Variants in SP1 observed in about 807,000 individuals in gnomAD.
SP1 encodes the protein transcription factor Sp1.
Under a neutral mutation model 66.3 loss-of-function variants are expected in SP1, and 6 were observed. The ratio of observed to expected loss-of-function variants is 0.09; its 90% CI spans 0.05 to 0.18. The LOEUF (loss-of-function observed/expected upper bound fraction) is 0.18, where lower values mean the gene tolerates loss of function less well. Among genes scored for constraint, SP1 ranks in the 10% least tolerant of loss-of-function variants. The probability of loss-of-function intolerance (pLI) is 1.00; values close to 1 mark genes in which losing one functional copy is unlikely to be tolerated. For missense variants in SP1, 848 were observed against 964.5 expected (o/e 0.88, Z 1.60); for synonymous variants, 417 against 360.8 (o/e 1.16, Z -1.77).
At chr12:53,408,785 A>T (rs1938812376) in intron 4 of SP1, among the ~76,000 whole-genome samples, 1 of 152,052 alleles carries the variant, frequency 6.6e-6, no homozygotes, top group Non-Finnish European at 1.5e-5. Flanking sequence ...GGGCACCCAT[A>T]GTCCCAGCTA....
intron 3 of SP1, among the ~76,000 whole-genome samples, chr12:53,385,519 A>G (rs1040823151): frequency 1.4e-5 from 2 of 147,382 alleles, no homozygotes; most frequent in African/African-American, 5.0e-5. Flanking sequence ...CACTTGAACC[A>G]GGGAGGCGGA....
intron 3 of SP1, among the ~76,000 whole-genome samples, chr12:53,393,648 A>G (rs1221427300): frequency 2.1e-5 from 3 of 142,282 alleles, no homozygotes; most frequent in Admixed American, 7.2e-5. Flanking sequence ...CCCAGGCTGG[A>G]GTGCAATGGT....
intron 3 of SP1, among the ~76,000 whole-genome samples, chr12:53,389,698 A>G (rs1431115359): frequency 3.3e-5 from 5 of 150,430 alleles, no homozygotes; most frequent in Non-Finnish European, 7.4e-5. Flanking sequence ...TCTTTATTTT[A>G]TTTTATTTTA....
rs1251280995 is a variant in SP1 at position 53,381,767 on chromosome 12, G to A, written c.116G>A (p.Arg39Gln). 29 of 1,614,010 alleles carry A rather than the reference G, an allele frequency of 1.8e-5. No individual in the cohort carries two copies. The highest frequency in any genetic ancestry group is 2.2e-5 in the Non-Finnish European group (26 of 1,180,016). ...GNGGGAFSQA[R>Q]SSSTGSSSST... ...GGTGGTGGTGCCTTTTCACAGGCTCGAAGTAGCAGCACAGGCAGTAGCAGC... is the reference window on the plus strand; with the variant it reads ...GGTGGTGGTGCCTTTTCACAGGCTCAAAGTAGCAGCACAGGCAGTAGCAGC... Residue 39 changes from arginine to glutamine, a missense_variant, in exon 2 of 6, where the codon CGA becomes CAA. Transcript: ENST00000327443.
At chr12:53,404,262 G>C (rs777555851) in intron 3 of SP1, among the ~76,000 whole-genome samples, 1 of 151,358 alleles carries the variant, frequency 6.6e-6, no homozygotes, top group Non-Finnish European at 1.5e-5. Context: ...AGCCGGGTGC[G>C]GTGACTCACG....
chr12:53,391,882 A>C (rs964300108), intron 3 of SP1, among the ~76,000 whole-genome samples: 11 of 151,890 alleles, frequency 7.2e-5, no homozygotes, highest in African/African-American at 2.7e-4. Flanking sequence ...TTATTCACTT[A>C]CGATAATGGC....
In SP1 at chr12:53,412,513, C is replaced by T. The variant is rs1036495320; in HGVS notation, c.*1273C>T. On this transcript the variant is annotated 3_prime_UTR_variant, in exon 6 of 6. Transcript: ENST00000327443. ...TCCATTGTCAATAAGGAGCATCAGC[C>T]AGTGAATCTGTTTCAGGTTTCCATT... 4.6e-5 allele frequency: 7 copies of T among 152,574 alleles called. No individual in the cohort carries two copies. The highest frequency in any genetic ancestry group is 1.0e-4 in the Non-Finnish European group (7 of 68,042). 9.5% of individuals were successfully genotyped at this position (152,574 alleles called of 1,614,324 possible).
At chr12:53,385,998 C>G (rs1000363742) in intron 3 of SP1, among the ~76,000 whole-genome samples, 1 of 152,084 alleles carries the variant, frequency 6.6e-6, no homozygotes, top group African/African-American at 2.4e-5. Flanking sequence ...AACTGTAACT[C>G]CTAATTGAAG....
At chr12:53,406,111 A>G (rs784882) in intron 3 of SP1, among the ~76,000 whole-genome samples, 41,678 of 127,628 alleles carry the variant, frequency 0.33, 9,528 homozygotes, top group African/African-American at 0.67. Flanking sequence ...TTGCTCTGTC[A>G]CCCAGGCTGG....
Position 53,411,003 on chromosome 12 carries a change from C to T in SP1, c.2121C>T (p.Thr707=), listed in dbSNP as rs766183836. 6.2e-7 allele frequency: 1 copy of T among 1,614,110 alleles called. No individual in the cohort carries two copies. The highest frequency in any genetic ancestry group is 8.5e-7 in the Non-Finnish European group (1 of 1,179,976). ...ACCACCTGTCAAAACATATCAAGACCCACCAGAATAAGAAGGGAGGCCCAG... is the reference window on the plus strand; with the variant it reads ...ACCACCTGTCAAAACATATCAAGACTCACCAGAATAAGAAGGGAGGCCCAG... The part of the protein sequence containing the change: ...RSDHLSKHIK[T]HQNKKGGPGV... The change falls in exon 6 of 6, where the codon ACC becomes ACT. Residue 707 remains threonine (T), a synonymous_variant. Coordinates refer to ENST00000327443, the MANE Select transcript of SP1 (RefSeq NM_138473.3).
At chr12:53,387,971 G>A (rs1938267277) in intron 3 of SP1, among the ~76,000 whole-genome samples, 1 of 151,896 alleles carries the variant, frequency 6.6e-6, no homozygotes, top group Non-Finnish European at 1.5e-5. Context: ...GGGTGACAGA[G>A]CGAGACTCCG....
chr12:53,411,094 G>A lies in SP1; in HGVS notation c.2212G>A (p.Ala738Thr). The change falls in exon 6 of 6, where the codon GCC (alanine) becomes ACC (threonine). Residue 738 changes from alanine (A) to threonine (T), a missense_variant. This residue lies in a region of SP1 where 73 missense variants were observed against 91.9 expected (regional missense o/e 0.79). Transcript: ENST00000327443. ...GGCAGGTTCAGAAGGCAGTGGCACT[G>A]CCACTCCTTCAGCCCTTATTACCAC... ...SGAGSEGSGT[A>T]TPSALITTNM... 2 of 1,614,188 alleles carry A rather than the reference G, an allele frequency of 1.2e-6. No individual in the cohort carries two copies. Among genetic ancestry groups the A allele is most frequent in the Non-Finnish European group, 1.7e-6 (2 of 1,180,038 alleles).
chr12:53,399,703 C>T (rs946559573), intron 3 of SP1, among the ~76,000 whole-genome samples: 55 of 150,968 alleles, frequency 3.6e-4, no homozygotes, highest in African/African-American at 1.3e-3. Context: ...GTGGCACGAT[C>T]TCCGGCTCAC....
At chr12:53,389,612 C>T (rs2683522) in intron 3 of SP1, among the ~76,000 whole-genome samples, 46,657 of 150,832 alleles carry the variant, frequency 0.31, 10,558 homozygotes, top group African/African-American at 0.65. Context: ...CGTGATGTTT[C>T]TTTTTTTTTA....
intron 3 of SP1, among the ~76,000 whole-genome samples, chr12:53,387,250 C>G (rs1938250048): frequency 6.6e-6 from 1 of 152,126 alleles, no homozygotes; most frequent in Non-Finnish European, 1.5e-5. Flanking sequence ...TGCGCCTGGC[C>G]ACTTCTAGTT....
At chr12:53,402,646 C>T (rs1034108911) in intron 3 of SP1, among the ~76,000 whole-genome samples, 2 of 151,430 alleles carry the variant, frequency 1.3e-5, no homozygotes, top group East Asian at 2.0e-4. Flanking sequence ...TGAGACCAGC[C>T]TGGCCAAACT....
intron 3 of SP1, among the ~76,000 whole-genome samples, chr12:53,384,414 A>G (rs535444029): frequency 1.3e-5 from 2 of 150,872 alleles, no homozygotes; most frequent in African/African-American, 2.4e-5. Context: ...CTTCTTGAGT[A>G]GCTGGGATTG....
Position 53,411,179 on chromosome 12 carries a change from G to C in SP1, c.2297G>C (p.Gly766Ala). Reference protein sequence around the residue: ...PEGIARLANSGINVMQVADLQ... With the variant: ...PEGIARLANSAINVMQVADLQ... ...GGCATTGCCCGTCTTGCCAACAGTG[G>C]CATCAACGTCATGCAGGTGGCAGAT... Residue 766 changes from glycine (G) to alanine (A), a missense_variant, in exon 6 of 6, where the codon GGC becomes GCC. Gly to Ala is a moderately conservative substitution (Grantham distance 60, BLOSUM62 0). Around this residue, in one of 7 missense-constraint regions of SP1, gnomAD observed 73 missense variants for 91.9 expected, o/e 0.79. Coordinates refer to ENST00000327443, the MANE Select transcript of SP1 (RefSeq NM_138473.3). 1 of 1,613,964 alleles carries C rather than the reference G, an allele frequency of 6.2e-7. No individual in the cohort carries two copies. The highest frequency in any genetic ancestry group is 8.5e-7 in the Non-Finnish European group (1 of 1,180,022).
At chr12:53,397,959 T>A (rs1170500173) in intron 3 of SP1, among the ~76,000 whole-genome samples, 1 of 152,224 alleles carries the variant, frequency 6.6e-6, no homozygotes, top group Non-Finnish European at 1.5e-5. Flanking sequence ...ACATTGCTAC[T>A]GAACCTTTGG....
Sources: gnomAD v4.1 joint callset for allele counts (sites outside exome capture counted in the v4.1 genomes callset) on GRCh38, gnomAD v4.1.1 for gene constraint, gnomAD v4.1.1 regional missense constraint, MANE v1.5 for transcripts, NCBI Gene and HGNC (gene_info 2026-07-23, HGNC 2026-07-21) for gene names.